SERP2: variants seen among roughly 807,000 people sequenced by gnomAD.
The protein encoded by SERP2 is stress associated endoplasmic reticulum protein family member 2.
Under a neutral mutation model 9.1 loss-of-function variants are expected in SERP2, and 6 were observed. The ratio of observed to expected loss-of-function variants is 0.66; its 90% confidence interval spans 0.36 to 1.30. The LOEUF (loss-of-function observed/expected upper bound fraction) is 1.30, where lower values mean the gene tolerates loss of function less well. Ranked by LOEUF, SERP2 falls within the 50% of genes most tolerant of loss-of-function variation. The pLI is 0.03. For missense variants in SERP2, 58 were observed against 81.9 expected, an observed-to-expected ratio of 0.71 and a Z score of 1.13; for synonymous variants, 37 against 27.3, an observed-to-expected ratio of 1.35 and a Z score of -1.10.
intron 2 of SERP2, among the ~76,000 whole-genome samples, chr13:44,380,082 C>T (rs1871885651): frequency 6.6e-6 from 1 of 152,086 alleles, no homozygotes; most frequent in Non-Finnish European, 1.5e-5. Context: ...AGGCCTTATG[C>T]CTTATGAGAA....
chr13:44,383,551 TTG>T lies in SERP2; in HGVS notation c.157+3840_157+3841del, dbSNP rs200942116. Among the ~76,000 whole-genome samples the T allele has an allele frequency of 2.1e-5, 3 of 142,374 alleles. 1 individual carries two copies. Among genetic ancestry groups the T allele is most frequent in the Non-Finnish European group, 1.5e-5 (1 of 65,530 alleles). 93.4% of individuals were successfully genotyped at this position (142,374 alleles called of 152,430 possible). ...ACCTCTCTGGAGGTTTGCGTTTTTT[TTG>T]TTTTTTTTTTTTTGAGACAGAGTCT... On this transcript the variant is annotated intron_variant, in intron 2 of 2. Coordinates refer to ENST00000379179, the MANE Select transcript of SERP2 (RefSeq NM_001010897.3).
At chr13:44,390,763 C>G (rs1199555534) in intron 2 of SERP2, 1 of 162,842 alleles carries the variant, frequency 6.1e-6, no homozygotes, top group Admixed American at 6.2e-5. Context: ...TCCCTCTTCT[C>G]CATCTCTAGA....
At chr13:44,396,982 G>C (rs1162160779) in intron 2 of SERP2, among the ~76,000 whole-genome samples, 5 of 152,200 alleles carry the variant, frequency 3.3e-5, no homozygotes, top group African/African-American at 9.6e-5. Flanking sequence ...GCTGGGGAAG[G>C]GGGCCAAATC....
chr13:44,395,460 C>T (rs1211922231), intron 2 of SERP2, among the ~76,000 whole-genome samples: 2 of 151,788 alleles, frequency 1.3e-5, no homozygotes, highest in Non-Finnish European at 2.9e-5. Context: ...AAAAATTAGC[C>T]GGGCATGGTA....
chr13:44,377,455 A>G (rs1871723600), intron 1 of SERP2, among the ~76,000 whole-genome samples: 1 of 152,198 alleles, frequency 6.6e-6, no homozygotes, highest in Non-Finnish European at 1.5e-5. Context: ...AGCTTTATGA[A>G]TGTTGTTTAC....
At chr13:44,397,123 GTTAAC>G (rs1257528164) in intron 2 of SERP2, 144 bp from the exon 3 acceptor site, 7 of 662,880 alleles carry the variant, frequency 1.1e-5, no homozygotes, top group South Asian at 3.6e-5. Flanking sequence ...CTGACCTCTT[GTTAAC>G]TTAACTCCTT....
At chr13:44,376,710 G>A (rs575513544) in intron 1 of SERP2, among the ~76,000 whole-genome samples, 1 of 152,100 alleles carries the variant, frequency 6.6e-6, no homozygotes, top group African/African-American at 2.4e-5. Flanking sequence ...GGGAGGCAGA[G>A]GTTGCAGTCA....
At chr13:44,376,454 T>C (rs1479150730) in intron 1 of SERP2, among the ~76,000 whole-genome samples, 3 of 152,186 alleles carry the variant, frequency 2.0e-5, no homozygotes, top group Non-Finnish European at 4.4e-5. Flanking sequence ...AAATTAATAT[T>C]ATTCTCCCAG....
rs961175728 is a variant in SERP2 at position 44,392,122 on chromosome 13, C to T, written c.158-5150C>T. On this transcript the variant is annotated intron_variant, in intron 2 of 2. Transcript: ENST00000379179. The stretch of plus-strand genomic sequence containing the variant: ...CTAAGGCTGGAGAATCGCTTGAACC[C>T]GGAAGACAGAGGTTGCAGTAAGCCG... 3.6e-4 allele frequency among the ~76,000 whole-genome samples: 48 copies of T among 131,656 alleles called. 1 individual carries two copies. Among genetic ancestry groups the T allele is most frequent in the African/African-American group, 8.9e-4 (31 of 34,940 alleles). 86.4% of individuals were successfully genotyped at this position (131,656 alleles called of 152,430 possible). A position where few individuals can be genotyped will look rare whatever the true frequency, so the allele number is the denominator to read the frequency against.
intron 2 of SERP2, among the ~76,000 whole-genome samples, chr13:44,394,840 A>G (rs1432815064): frequency 1.3e-5 from 2 of 152,236 alleles, no homozygotes; most frequent in African/African-American, 4.8e-5. Flanking sequence ...AACAGTGATG[A>G]TAGCAGTAGC....
intron 2 of SERP2, among the ~76,000 whole-genome samples, chr13:44,393,582 C>T (rs898079231): frequency 2.0e-5 from 3 of 152,118 alleles, no homozygotes; most frequent in Non-Finnish European, 4.4e-5. Flanking sequence ...CTCTCCTCCC[C>T]GCTGTCTCGC....
chr13:44,393,652 TGTTAA>T (rs1186053557), intron 2 of SERP2, among the ~76,000 whole-genome samples: 6 of 152,212 alleles, frequency 3.9e-5, no homozygotes, highest in Non-Finnish European at 5.9e-5. Flanking sequence ...GTTCACCCAC[TGTTAA>T]GTTATTAACT....
intron 2 of SERP2, among the ~76,000 whole-genome samples, chr13:44,380,743 A>G (rs910448405): frequency 2.0e-5 from 3 of 152,202 alleles, no homozygotes; most frequent in African/African-American, 7.2e-5. Context: ...GTTCTACTCT[A>G]TTCCCAAAGA....
At chr13:44,386,117 C>T (rs1872299212) in intron 2 of SERP2, among the ~76,000 whole-genome samples, 1 of 152,146 alleles carries the variant, frequency 6.6e-6, no homozygotes, top group Non-Finnish European at 1.5e-5. Context: ...TGTGATAAAG[C>T]GTCAAGTCTT....
chr13:44,388,459 ACT>A (rs939542084), intron 2 of SERP2, among the ~76,000 whole-genome samples: 1 of 151,900 alleles, frequency 6.6e-6, no homozygotes, highest in Non-Finnish European at 1.5e-5. Context: ...ACACATCTAG[ACT>A]CTCTTTGCCC....
At chr13:44,395,726 G>A in intron 2 of SERP2, 1 of 442,744 alleles carries the variant, frequency 2.3e-6, no homozygotes, top group Non-Finnish European at 4.5e-6. Context: ...ATCTACAGAT[G>A]AGTCCCTGAC....
At chr13:44,386,067 G>T (rs1872296684) in intron 2 of SERP2, among the ~76,000 whole-genome samples, 1 of 152,216 alleles carries the variant, frequency 6.6e-6, no homozygotes, top group Non-Finnish European at 1.5e-5. Context: ...TGGGAGCAGT[G>T]TAAGTGATAA....
chr13:44,390,229 G>A (rs1872554283), intron 2 of SERP2: 1 of 301,486 alleles, frequency 3.3e-6, no homozygotes. Context: ...AGCCATCCTG[G>A]GTCTTGCTCC....
intron 1 of SERP2, 127 bp from the exon 2 acceptor site, chr13:44,379,514 G>T: frequency 1.6e-6 from 1 of 621,776 alleles, no homozygotes; most frequent in South Asian, 2.3e-5. Flanking sequence ...TGTCCACTGA[G>T]GGATTGAAAC....
Sources: allele counts gnomAD v4.1 joint callset (sites outside exome capture counted in the v4.1 genomes callset), GRCh38; gene constraint gnomAD v4.1.1; transcripts MANE v1.5; gene names NCBI Gene and HGNC (gene_info 2026-07-23, HGNC 2026-07-21).